Variants in CAP2 observed in about 807,000 individuals in gnomAD.
The protein encoded by CAP2 is cyclase associated actin cytoskeleton regulatory protein 2.
A neutral mutation model predicts 57.7 loss-of-function variants in CAP2; 24 were observed. The ratio of observed to expected loss-of-function variants is 0.42; its 90% CI spans 0.30 to 0.58. The LOEUF is 0.58. CAP2 is among the 20% of genes least tolerant of loss of function. CAP2 has a pLI of 0.22. For missense variants in CAP2, 501 were observed against 590.3 expected, an observed-to-expected ratio of 0.85 and a Z score of 1.57; for synonymous variants, 194 against 207.2, an observed-to-expected ratio of 0.94 and a Z score of 0.55.
intron 1 of CAP2, among the ~76,000 whole-genome samples, chr6:17,408,518 T>G (rs1759048832): frequency 6.6e-6 from 1 of 151,988 alleles, no homozygotes; most frequent in Admixed American, 6.6e-5. Flanking sequence ...CAACATAAGT[T>G]TTGCAGGGGG....
chr6:17,403,763 GA>G (rs554730461), intron 1 of CAP2, among the ~76,000 whole-genome samples: 144 of 152,266 alleles, frequency 9.5e-4, no homozygotes, highest in African/African-American at 3.3e-3. Context: ...AGTTCAAGGA[GA>G]AAATGGAATT....
At position 17,531,371 on chromosome 6, in the gene CAP2, G is replaced by A. The variant is rs149521738; in HGVS notation, c.637-7898G>A. The stretch of plus-strand genomic sequence containing the variant: ...GATACCTCTGATCCTGATGACAAAC[G>A]CCAATTTGGGTTCTGCAGGTACATA... On this transcript the variant is annotated intron_variant, in intron 7 of 12. Transcript: ENST00000229922. The A allele has an allele frequency of 6.9e-4, 1,096 of 1,588,568 alleles. 6 individuals are homozygous for A. The African/African-American group carries it at 0.013, about 19-fold the overall frequency.
intron 12 of CAP2, among the ~76,000 whole-genome samples, chr6:17,555,474 A>C (rs1371711888): frequency 6.7e-6 from 1 of 149,846 alleles, no homozygotes; most frequent in Non-Finnish European, 1.5e-5. Context: ...GATTACAGGC[A>C]TGAGCCACAG....
intron 11 of CAP2, among the ~76,000 whole-genome samples, chr6:17,548,170 AT>A (rs1763095784): frequency 6.6e-6 from 1 of 152,046 alleles, no homozygotes; most frequent in Admixed American, 6.6e-5. Flanking sequence ...GATTGAGATC[AT>A]CTTGGCTAAC....
chr6:17,395,294 T>A lies in CAP2; in HGVS notation c.-2+1548T>A, dbSNP rs1316193009. ...CTTAGCAACTACTCAGTTCCACAGTTATAGTTTGAAAGCAGCTAAAGACAA... is the reference window on the plus strand; with the variant it reads ...CTTAGCAACTACTCAGTTCCACAGTAATAGTTTGAAAGCAGCTAAAGACAA... On this transcript the variant is annotated intron_variant, in intron 1 of 12. Coordinates refer to ENST00000229922, the MANE Select transcript of CAP2 (RefSeq NM_006366.3). Among the ~76,000 whole-genome samples, 4 of 152,334 alleles carry A rather than the reference T, an allele frequency of 2.6e-5. No homozygotes were observed. The East Asian group carries it at 7.7e-4, about 29-fold the overall frequency.
chr6:17,524,893 C>CT lies in CAP2; in HGVS notation c.636+10956dup, dbSNP rs11325666. ...TAGAGTATTTCTTTTCTTTTCTTTTCTTTTTTTTTTTTTTTTTGAGTTGGA... is the reference window on the plus strand; with the variant it reads ...TAGAGTATTTCTTTTCTTTTCTTTTCTTTTTTTTTTTTTTTTTTGAGTTGGA... On this transcript the variant is annotated intron_variant, in intron 7 of 12. Coordinates refer to ENST00000229922, the MANE Select transcript of CAP2 (RefSeq NM_006366.3). Among the ~76,000 whole-genome samples the CT allele has an allele frequency of 5.2e-4, 57 of 109,614 alleles. 1 individual carries two copies. The highest frequency in any genetic ancestry group is 1.4e-3 in the African/African-American group (40 of 27,970). 71.9% of individuals were successfully genotyped at this position (109,614 alleles called of 152,430 possible).
At chr6:17,527,920 T>C (rs1762549545) in intron 7 of CAP2, among the ~76,000 whole-genome samples, 2 of 152,154 alleles carry the variant, frequency 1.3e-5, no homozygotes, top group South Asian at 4.1e-4. Context: ...CATTATATTC[T>C]TCTGGACTCT....
At chr6:17,555,485 A>G (rs1763279467) in intron 12 of CAP2, among the ~76,000 whole-genome samples, 1 of 150,042 alleles carries the variant, frequency 6.7e-6, no homozygotes. Flanking sequence ...TGAGCCACAG[A>G]GCCCAGCCAG....
rs1369627910 is a variant in CAP2, at chr6:17,557,225, T to C, written c.*783T>C. ...TTTGCTCTAAAATCAAGCTCAGTTA[T>C]TATTTTCCAAGTTTGAACATGTTAA... On this transcript the variant is annotated 3_prime_UTR_variant, in exon 13 of 13. Transcript: ENST00000229922. 6.6e-6 allele frequency: 1 copy of C among 152,238 alleles called. No individual in the cohort carries two copies. Among genetic ancestry groups the C allele is most frequent in the Non-Finnish European group, 1.5e-5 (1 of 68,042 alleles). 9.4% of individuals were successfully genotyped at this position (152,238 alleles called of 1,614,324 possible). A position where few individuals can be genotyped will look rare whatever the true frequency, so the allele number is the denominator to read the frequency against.
At chr6:17,395,229 T>C (rs1166598535) in intron 1 of CAP2, among the ~76,000 whole-genome samples, 2 of 152,160 alleles carry the variant, frequency 1.3e-5, no homozygotes, top group Non-Finnish European at 2.9e-5. Context: ...AGTTAAGAGC[T>C]AGATAGTAAA....
At chr6:17,416,074 G>A (rs2113524492) in intron 1 of CAP2, among the ~76,000 whole-genome samples, 1 of 151,126 alleles carries the variant, frequency 6.6e-6, no homozygotes, top group South Asian at 2.1e-4. Context: ...GAAAATATGT[G>A]TAAATATGTT....
intron 1 of CAP2, among the ~76,000 whole-genome samples, chr6:17,400,054 A>G (rs1195512730): frequency 7.0e-6 from 1 of 142,252 alleles, no homozygotes. Context: ...CCCCATCTCT[A>G]TTAAAAATAC....
intron 3 of CAP2, among the ~76,000 whole-genome samples, chr6:17,437,260 A>G (rs1200014178): frequency 6.6e-6 from 1 of 151,960 alleles, no homozygotes; most frequent in African/African-American, 2.4e-5. Context: ...GTTGGGGACC[A>G]CTGGTCTAGT....
intron 1 of CAP2, among the ~76,000 whole-genome samples, chr6:17,419,342 T>C (rs1759369652): frequency 6.6e-6 from 1 of 152,220 alleles, no homozygotes; most frequent in South Asian, 2.1e-4. Flanking sequence ...AAGCATGCTG[T>C]TCCTCTTTTG....
At chr6:17,415,583 CA>C (rs1340649749) in intron 1 of CAP2, among the ~76,000 whole-genome samples, 5 of 152,170 alleles carry the variant, frequency 3.3e-5, no homozygotes, top group Admixed American at 6.5e-5. Context: ...ATTAGTCAAT[CA>C]AAAAGTATTT....
intron 12 of CAP2, among the ~76,000 whole-genome samples, chr6:17,552,823 A>G (rs561405921): frequency 1.3e-5 from 2 of 152,296 alleles, no homozygotes; most frequent in East Asian, 1.9e-4. Flanking sequence ...CTCCTTGAGC[A>G]GACGGTGTGA....
chr6:17,490,626 A>C (rs1272118838), intron 4 of CAP2, among the ~76,000 whole-genome samples: 1 of 152,238 alleles, frequency 6.6e-6, no homozygotes, highest in Non-Finnish European at 1.5e-5. Context: ...CTTTGCGGGC[A>C]GAGGTCCTGC....
intron 1 of CAP2, among the ~76,000 whole-genome samples, chr6:17,415,687 G>C (rs943242149): frequency 1.3e-5 from 2 of 152,162 alleles, no homozygotes; most frequent in South Asian, 4.1e-4. Context: ...GCTTGCAGCC[G>C]GTCTCCTTGG....
chr6:17,530,820 T>TG (rs1388858008), intron 7 of CAP2: 2 of 575,560 alleles, frequency 3.5e-6, no homozygotes, highest in African/African-American at 3.9e-5. Context: ...GTCTCCCACT[T>TG]TTTTTTTTTT....
Sources: allele counts gnomAD v4.1 joint callset (sites outside exome capture counted in the v4.1 genomes callset), GRCh38; gene constraint gnomAD v4.1.1; transcripts MANE v1.5; gene names NCBI Gene and HGNC (gene_info 2026-07-23, HGNC 2026-07-21).